Variants in RBFOX2 observed in about 807,000 individuals in gnomAD.
The protein encoded by RBFOX2 is RNA binding protein fox-1 homolog 2.
In RBFOX2, 10 loss-of-function variants were observed where a neutral mutation model predicts 49.1. The observed-to-expected ratio is 0.20, with a 90% CI of 0.13 to 0.35. The LOEUF (loss-of-function observed/expected upper bound fraction) is 0.35. Ranked by LOEUF, RBFOX2 falls within the 10% of genes least tolerant of loss-of-function variation. The pLI is 1.00. For missense variants in RBFOX2, 323 were observed against 486.9 expected (o/e 0.66, Z 3.17); for synonymous variants, 183 against 187.4 (o/e 0.98, Z 0.19).
intron 2 of RBFOX2, among the ~76,000 whole-genome samples, chr22:35,788,022 G>C (rs930751306): frequency 6.6e-6 from 1 of 152,100 alleles, no homozygotes; most frequent in Non-Finnish European, 1.5e-5. Flanking sequence ...ACAGGAGGTC[G>C]GCACCAATTA....
intron 2 of RBFOX2, among the ~76,000 whole-genome samples, chr22:35,807,246 T>A (rs13053224): frequency 6.6e-6 from 1 of 152,236 alleles, no homozygotes; most frequent in African/African-American, 2.4e-5. Context: ...GTTTTACTAT[T>A]TCTTGGTTAA....
At chr22:35,809,994 T>C in exon 2 of RBFOX2, 1 of 1,614,102 alleles carries the variant, frequency 6.2e-7, no homozygotes, top group Non-Finnish European at 8.5e-7. Flanking sequence ...TGTTGTCGGC[T>C]CCTGGTTACC....
intron 1 of RBFOX2, among the ~76,000 whole-genome samples, chr22:35,864,221 T>C (rs1021924130): frequency 2.0e-5 from 3 of 152,182 alleles, no homozygotes; most frequent in African/African-American, 4.8e-5. Flanking sequence ...TTTTAACTCA[T>C]AATACAATGT....
chr22:35,898,402 C>A, intron 1 of RBFOX2: 1 of 497,654 alleles, frequency 2.0e-6, no homozygotes, highest in Non-Finnish European at 3.6e-6. Context: ...CAGCGGCCGC[C>A]ATCTTCTCCC....
intron 2 of RBFOX2, among the ~76,000 whole-genome samples, chr22:35,809,082 C>G (rs1466922675): frequency 6.6e-6 from 1 of 150,386 alleles, no homozygotes; most frequent in Non-Finnish European, 1.5e-5. Context: ...CACCTTAGTC[C>G]TATGTGGAGG....
At chr22:35,960,512 T>C (rs1407353079) in intron 1 of RBFOX2, among the ~76,000 whole-genome samples, 1 of 152,140 alleles carries the variant, frequency 6.6e-6, no homozygotes, top group Non-Finnish European at 1.5e-5. Context: ...TCCAAATGGG[T>C]CACCTCAGAA....
At chr22:36,000,350 T>C (rs1197110816) in intron 1 of RBFOX2, 3 of 152,256 alleles carry the variant, frequency 2.0e-5, no homozygotes, top group East Asian at 3.9e-4. Context: ...TGTTTAAACA[T>C]AAAGTTTCAG....
chr22:35,833,664 C>G (rs942101981), intron 1 of RBFOX2, among the ~76,000 whole-genome samples: 2 of 152,094 alleles, frequency 1.3e-5, no homozygotes, highest in Non-Finnish European at 2.9e-5. Context: ...AATTGACTGG[C>G]ACAAAGTAGG....
At chr22:35,955,207 T>C (rs1466227791) in intron 1 of RBFOX2, among the ~76,000 whole-genome samples, 1 of 152,190 alleles carries the variant, frequency 6.6e-6, no homozygotes, top group Non-Finnish European at 1.5e-5. Flanking sequence ...TTCTCAAACT[T>C]TTTTGATTTC....
At chr22:35,856,052 G>A (rs199986228) in intron 1 of RBFOX2, among the ~76,000 whole-genome samples, 2 of 151,972 alleles carry the variant, frequency 1.3e-5, no homozygotes, top group Non-Finnish European at 2.9e-5. Context: ...CACTTAGAAT[G>A]TCTGTTGAAC....
intron 1 of RBFOX2, among the ~76,000 whole-genome samples, chr22:35,987,075 G>GC (rs2150089417): frequency 6.6e-6 from 1 of 150,634 alleles, no homozygotes; most frequent in African/African-American, 2.4e-5. Context: ...TTCCATTTTT[G>GC]TTTTTTAGTG....
At chr22:35,804,246 C>T (rs1950287870) in intron 2 of RBFOX2, among the ~76,000 whole-genome samples, 1 of 151,628 alleles carries the variant, frequency 6.6e-6, no homozygotes, top group Non-Finnish European at 1.5e-5. Flanking sequence ...CCACTGCACT[C>T]CAGCCTGGGC....
chr22:35,919,358 C>A (rs1239543891), intron 1 of RBFOX2, among the ~76,000 whole-genome samples: 1 of 152,046 alleles, frequency 6.6e-6, no homozygotes, highest in Non-Finnish European at 1.5e-5. Context: ...GCCAACATGG[C>A]GAAATGCCAC....
intron 1 of RBFOX2, among the ~76,000 whole-genome samples, chr22:35,919,530 CAA>C (rs758998485): frequency 1.2e-4 from 14 of 115,900 alleles, no homozygotes; most frequent in Admixed American, 2.7e-4. Context: ...GAGACTGTCT[CAA>C]AAAAAAAAAA....
upstream of RBFOX2, among the ~76,000 whole-genome samples, chr22:35,941,348 A>C (rs1374449572): frequency 6.6e-6 from 1 of 152,190 alleles, no homozygotes; most frequent in Non-Finnish European, 1.5e-5. Context: ...AGGATGGTGG[A>C]AAAGAGGAAG....
chr22:35,976,996 T>C (rs1295780769), intron 1 of RBFOX2, among the ~76,000 whole-genome samples: 2 of 140,568 alleles, frequency 1.4e-5, no homozygotes, highest in Non-Finnish European at 3.1e-5. Flanking sequence ...GAAAAGCAAA[T>C]GAACCACTCA....
At chr22:35,882,653 G>A (rs1450192067) in intron 1 of RBFOX2, among the ~76,000 whole-genome samples, 2 of 152,182 alleles carry the variant, frequency 1.3e-5, no homozygotes, top group African/African-American at 4.8e-5. Context: ...AGCAGAGATA[G>A]GACCTAGTAT....
intron 1 of RBFOX2, chr22:35,992,552 G>A (rs2150115455): frequency 6.6e-6 from 1 of 152,136 alleles, no homozygotes; most frequent in Non-Finnish European, 1.5e-5. Flanking sequence ...GAAATCAAAT[G>A]GTTTTAACTG....
At chr22:35,853,558 C>T (rs539556220) in intron 1 of RBFOX2, among the ~76,000 whole-genome samples, 79 of 151,886 alleles carry the variant, frequency 5.2e-4, no homozygotes, top group African/African-American at 1.8e-3. Flanking sequence ...TACACATATA[C>T]GTAATGTATT....
Sources: allele counts gnomAD v4.1 joint callset (sites outside exome capture counted in the v4.1 genomes callset), GRCh38; gene constraint gnomAD v4.1.1; transcripts MANE v1.5; gene names NCBI Gene and HGNC (gene_info 2026-07-23, HGNC 2026-07-21).